Variants in ATRNL1 observed in about 807,000 individuals in gnomAD.
The protein encoded by ATRNL1 is attractin like 1, also known as attractin-like protein 1.
Under a neutral mutation model 182.7 loss-of-function variants are expected in ATRNL1, and 95 were observed. That is an observed-to-expected ratio of 0.52 (90% CI 0.44 to 0.62). The LOEUF (loss-of-function observed/expected upper bound fraction) is 0.62. Ranked by LOEUF, ATRNL1 falls within the 20% of genes least tolerant of loss-of-function variation. The pLI is 0.00. For missense variants in ATRNL1, 1,471 were observed against 1,679.5 expected, an observed-to-expected ratio of 0.88 and a Z score of 2.17; for synonymous variants, 576 against 568.3, an observed-to-expected ratio of 1.01 and a Z score of -0.19.
intron 24 of ATRNL1, among the ~76,000 whole-genome samples, chr10:115,518,970 C>T (rs531750194): frequency 1.6e-4 from 25 of 152,000 alleles, no homozygotes; most frequent in Middle Eastern, 3.4e-3. Flanking sequence ...TTTGGTTAGG[C>T]ATATTTAATC....
intron 1 of ATRNL1, among the ~76,000 whole-genome samples, chr10:115,103,347 T>C (rs116450842): frequency 0.025 from 3,812 of 152,282 alleles, 157 homozygotes; most frequent in African/African-American, 0.086. Flanking sequence ...TCATATTTTT[T>C]GATTTTATAC....
At chr10:115,108,082 A>G (rs1485094777) in intron 1 of ATRNL1, among the ~76,000 whole-genome samples, 1 of 152,176 alleles carries the variant, frequency 6.6e-6, no homozygotes, top group East Asian at 1.9e-4. Flanking sequence ...ACACCCTTGC[A>G]TGCTTTGCTT....
intron 7 of ATRNL1, among the ~76,000 whole-genome samples, chr10:115,168,918 TTTTTC>T (rs1847168081): frequency 1.3e-5 from 2 of 151,856 alleles, no homozygotes; most frequent in Non-Finnish European, 1.5e-5. Flanking sequence ...CCCAATTTTT[TTTTTC>T]TTTTAAGAGT....
intron 25 of ATRNL1, among the ~76,000 whole-genome samples, chr10:115,533,954 C>G (rs7908272): frequency 0.025 from 3,613 of 146,348 alleles, 162 homozygotes; most frequent in African/African-American, 0.088. Flanking sequence ...TTTGATTGCA[C>G]TGTGGTCTGA....
At chr10:115,751,535 A>G (rs1290590571) in intron 27 of ATRNL1, among the ~76,000 whole-genome samples, 1 of 152,006 alleles carries the variant, frequency 6.6e-6, no homozygotes, top group Non-Finnish European at 1.5e-5. Context: ...TTACATATAC[A>G]CTCACCCTTA....
intron 20 of ATRNL1, among the ~76,000 whole-genome samples, chr10:115,406,010 A>G (rs1305073671): frequency 6.6e-6 from 1 of 151,820 alleles, no homozygotes; most frequent in Non-Finnish European, 1.5e-5. Context: ...TGTCCCTACA[A>G]AGGACATAAA....
chr10:115,730,253 C>CAAAAAA (rs535690432), intron 27 of ATRNL1, among the ~76,000 whole-genome samples: 16 of 61,432 alleles, frequency 2.6e-4, no homozygotes, highest in East Asian at 7.0e-4. Flanking sequence ...TAGGACTCCT[C>CAAAAAA]AAAAAAAAAA....
intron 19 of ATRNL1, among the ~76,000 whole-genome samples, chr10:115,357,522 C>T (rs1554943150): frequency 6.6e-6 from 1 of 151,632 alleles, no homozygotes; most frequent in African/African-American, 2.4e-5. Context: ...ATAAATATTT[C>T]ATAAACACAT....
rs144324689 is a variant in ATRNL1 at position 115,144,774 on chromosome 10, G to T, written c.829+15239G>T. Among the ~76,000 whole-genome samples, 537 of 152,292 alleles carry T rather than the reference G, an allele frequency of 3.5e-3. 2 individuals carry two copies. The highest frequency in any genetic ancestry group is 0.012 in the African/African-American group (518 of 41,572). Reference sequence around the variant, plus strand: ...CTTGGGATGATAACTTGATCAAAGTGAATTGAAATAGTGTCTTGCTGTTTA... The same window carrying T: ...CTTGGGATGATAACTTGATCAAAGTTAATTGAAATAGTGTCTTGCTGTTTA... On this transcript the variant is annotated intron_variant, in intron 5 of 28. Coordinates refer to ENST00000355044, the MANE Select transcript of ATRNL1 (RefSeq NM_207303.4).
chr10:115,276,612 T>C (rs1020195070), intron 13 of ATRNL1, among the ~76,000 whole-genome samples: 2 of 152,226 alleles, frequency 1.3e-5, no homozygotes, highest in African/African-American at 4.8e-5. Flanking sequence ...GAGAGGTCTT[T>C]GGGATTTCAG....
intron 26 of ATRNL1, among the ~76,000 whole-genome samples, chr10:115,706,123 C>T (rs1317176555): frequency 2.6e-5 from 4 of 151,808 alleles, no homozygotes; most frequent in Admixed American, 2.0e-4. Flanking sequence ...TTAGTCCTAC[C>T]CTGCTGAAAT....
At chr10:115,257,879 C>T (rs1163155918) in intron 10 of ATRNL1, among the ~76,000 whole-genome samples, 1 of 152,146 alleles carries the variant, frequency 6.6e-6, no homozygotes, top group Non-Finnish European at 1.5e-5. Context: ...GTTAGTTTGG[C>T]TGGATATGAA....
At chr10:115,500,763 A>T (rs1248119430) in intron 24 of ATRNL1, among the ~76,000 whole-genome samples, 1 of 151,190 alleles carries the variant, frequency 6.6e-6, no homozygotes, top group Non-Finnish European at 1.5e-5. Context: ...CTGGTCTCGA[A>T]CTCCCGACCT....
chr10:115,232,612 ATACT>A (rs1156713954), intron 9 of ATRNL1, among the ~76,000 whole-genome samples: 2 of 152,114 alleles, frequency 1.3e-5, no homozygotes, highest in Non-Finnish European at 2.9e-5. Flanking sequence ...TGCTTAAATA[ATACT>A]TACTTACCTT....
At chr10:115,382,665 T>A (rs1172579038) in intron 19 of ATRNL1, among the ~76,000 whole-genome samples, 1 of 151,456 alleles carries the variant, frequency 6.6e-6, no homozygotes. Flanking sequence ...TCCTTTCCAG[T>A]CTGGATACTT....
intron 1 of ATRNL1, among the ~76,000 whole-genome samples, chr10:115,113,699 T>C (rs1844356661): frequency 6.6e-6 from 1 of 152,218 alleles, no homozygotes; most frequent in Non-Finnish European, 1.5e-5. Flanking sequence ...CACGTGGAAC[T>C]GTAAGTCCAT....
At chr10:115,379,919 C>T (rs1001598852) in intron 19 of ATRNL1, among the ~76,000 whole-genome samples, 3 of 152,312 alleles carry the variant, frequency 2.0e-5, no homozygotes, top group Admixed American at 6.5e-5. Flanking sequence ...CTCCACCTCC[C>T]GGGTTCACAC....
intron 28 of ATRNL1, among the ~76,000 whole-genome samples, chr10:115,892,290 A>C (rs1400882165): frequency 6.6e-6 from 1 of 152,208 alleles, no homozygotes; most frequent in African/African-American, 2.4e-5. Context: ...TGGAAGGAGT[A>C]TGGTAAATTT....
intron 27 of ATRNL1, among the ~76,000 whole-genome samples, chr10:115,831,713 G>A (rs2052066): frequency 0.48 from 72,635 of 151,370 alleles, 18,747 homozygotes; most frequent in East Asian, 0.76. Context: ...TGTAAAGTTT[G>A]GGTAGTAAAG....
Sources: allele counts gnomAD v4.1 joint callset (sites outside exome capture counted in the v4.1 genomes callset), GRCh38; gene constraint gnomAD v4.1.1; transcripts MANE v1.5; gene names NCBI Gene and HGNC (gene_info 2026-07-23, HGNC 2026-07-21).